Variants in FOCAD observed in about 807,000 individuals in gnomAD.
FOCAD encodes the protein KIAA1797.
In FOCAD, 198 loss-of-function variants were observed where a neutral mutation model predicts 225.6. The ratio of observed to expected loss-of-function variants is 0.88; its 90% CI spans 0.78 to 0.99. FOCAD has a LOEUF of 0.99. Among genes scored for constraint, FOCAD ranks in the 50% least tolerant of loss-of-function variants. FOCAD has a pLI of 0.00. For missense variants in FOCAD, 2,713 were observed against 2,123.6 expected, an observed-to-expected ratio of 1.28 and a Z score of -5.46; for synonymous variants, 897 against 755.0, an observed-to-expected ratio of 1.19 and a Z score of -3.08.
At chr9:20,731,574 T>C (rs1269003452) in intron 4 of FOCAD, among the ~76,000 whole-genome samples, 2 of 152,230 alleles carry the variant, frequency 1.3e-5, no homozygotes, top group Admixed American at 1.3e-4. Context: ...AGCAAGATAG[T>C]ACCTGAGCTG....
At chr9:20,748,058 G>C (rs1335464495) in intron 5 of FOCAD, among the ~76,000 whole-genome samples, 2 of 151,516 alleles carry the variant, frequency 1.3e-5, no homozygotes, top group Non-Finnish European at 2.9e-5. Context: ...GCTTTTGGGG[G>C]GTTGATTATT....
At chr9:20,693,833 C>T (rs1055138844) in intron 1 of FOCAD, among the ~76,000 whole-genome samples, 2 of 152,212 alleles carry the variant, frequency 1.3e-5, no homozygotes, top group Non-Finnish European at 2.9e-5. Context: ...GCCTCAGCCT[C>T]CCAAGTAGAT....
intron 15 of FOCAD, among the ~76,000 whole-genome samples, chr9:20,837,665 A>G (rs998800972): frequency 1.3e-5 from 2 of 152,226 alleles, no homozygotes; most frequent in African/African-American, 4.8e-5. Context: ...TTGAAATCTG[A>G]TTGGAAGCAT....
chr9:20,931,295 G>T (rs1835444729), intron 27 of FOCAD, among the ~76,000 whole-genome samples: 1 of 152,150 alleles, frequency 6.6e-6, no homozygotes, highest in South Asian at 2.1e-4. Flanking sequence ...AGCACCCACA[G>T]AATAACTACA....
intron 39 of FOCAD, among the ~76,000 whole-genome samples, chr9:20,985,755 A>C (rs1166549510): frequency 1.3e-5 from 2 of 152,210 alleles, no homozygotes; most frequent in East Asian, 3.8e-4. Context: ...TGGAACTAAT[A>C]ATTTTTATTG....
At chr9:20,778,392 G>GT (rs937149430) in intron 8 of FOCAD, among the ~76,000 whole-genome samples, 11 of 151,928 alleles carry the variant, frequency 7.2e-5, no homozygotes, top group South Asian at 4.2e-4. Context: ...TAATTTTTTT[G>GT]TATTTTTTTG....
At chr9:20,681,068 A>C (rs775996919), upstream of FOCAD, among the ~76,000 whole-genome samples, 1 of 152,224 alleles carries the variant, frequency 6.6e-6, no homozygotes. Flanking sequence ...GCAATTAGTC[A>C]TATGACATTG....
rs374440235 is a variant in FOCAD, at chr9:20,949,049, C to G, written c.3876+121C>G. The G allele has an allele frequency of 1.4e-5, 12 of 834,984 alleles. No homozygotes were observed. The African/African-American group carries it at 1.9e-4, about 13-fold the overall frequency. 51.7% of individuals were successfully genotyped at this position (834,984 alleles called of 1,614,324 possible). The stretch of plus-strand genomic sequence containing the variant: ...GGATTTATGCTCATGGTAATAGTTA[C>G]ACCAGACTTTTTAATGCCTTGCTGT... On this transcript the variant is annotated intron_variant, in intron 32 of 43. Transcript: ENST00000338382.
intron 11 of FOCAD, among the ~76,000 whole-genome samples, chr9:20,791,219 G>GCACACA (rs563531943): frequency 9.4e-6 from 1 of 106,838 alleles, no homozygotes; most frequent in South Asian, 3.7e-4. Flanking sequence ...ATATATGCAT[G>GCACACA]CACACACACA....
chr9:20,673,377 C>G (rs1822133555), intron 2 of FOCAD, among the ~76,000 whole-genome samples: 1 of 152,118 alleles, frequency 6.6e-6, no homozygotes, highest in South Asian at 2.1e-4. Context: ...ACCATTTTTA[C>G]ATTTCCATCG....
At chr9:20,858,035 A>G (rs902900023) in intron 15 of FOCAD, among the ~76,000 whole-genome samples, 3 of 123,616 alleles carry the variant, frequency 2.4e-5, no homozygotes, top group African/African-American at 9.1e-5. Flanking sequence ...TGTCAGAGAT[A>G]TTGGCCTGTA....
At chr9:20,877,837 G>T (rs1286264657) in intron 19 of FOCAD, among the ~76,000 whole-genome samples, 2 of 151,988 alleles carry the variant, frequency 1.3e-5, no homozygotes, top group Non-Finnish European at 2.9e-5. Flanking sequence ...TTGAACCTGG[G>T]GCAGAGGTTG....
At position 20,953,050 on chromosome 9, in the gene FOCAD, A is replaced by G. The variant is rs3206852; in HGVS notation, c.4117A>G (p.Thr1373Ala). The G allele has an allele frequency of 0.39, 632,204 of 1,610,392 alleles. 126,429 individuals are homozygous for G. Among genetic ancestry groups the G allele is most frequent in the Non-Finnish European group, 0.41 (482,668 of 1,177,506 alleles). The change falls in exon 35 of 44, where the codon ACA becomes GCA. Residue 1373 changes from threonine (T) to alanine (A), a missense_variant. By Grantham distance (58) the Thr-to-Ala change is moderately conservative. Coordinates refer to ENST00000338382, the MANE Select transcript of FOCAD (RefSeq NM_001375567.1). Reference sequence around the variant, plus strand: ...TGGAGCAGCTATTGGCTTCTTCATTACAGGAGGAAAAAAAGGCAAGTGAGC... The same window carrying G: ...TGGAGCAGCTATTGGCTTCTTCATTGCAGGAGGAAAAAAAGGCAAGTGAGC... ...FIGAAIGFFI[T>A]GGKKGPESVP... is the part of the protein sequence containing the mutation.
At chr9:20,761,976 G>A (rs1002878125) in intron 6 of FOCAD, among the ~76,000 whole-genome samples, 3 of 152,136 alleles carry the variant, frequency 2.0e-5, no homozygotes, top group Non-Finnish European at 4.4e-5. Flanking sequence ...AATCAGAACA[G>A]ATTAAGCCAA....
intron 16 of FOCAD, chr9:20,863,609 A>T (rs1031932625): frequency 2.3e-4 from 35 of 152,090 alleles, no homozygotes; most frequent in Admixed American, 9.8e-4. Flanking sequence ...TTATTCTTAC[A>T]TGTAGCCTTT....
intron 19 of FOCAD, among the ~76,000 whole-genome samples, chr9:20,877,785 C>T (rs1032720151): frequency 2.3e-4 from 35 of 152,244 alleles, no homozygotes; most frequent in African/African-American, 7.5e-4. Flanking sequence ...TGGCAGACAC[C>T]TGTAATTCCA....
At chr9:20,745,969 T>C (rs980156278) in intron 5 of FOCAD, among the ~76,000 whole-genome samples, 2 of 152,198 alleles carry the variant, frequency 1.3e-5, no homozygotes, top group Admixed American at 1.3e-4. Context: ...AGAGTTAAGT[T>C]TAAGGACTTA....
intron 7 of FOCAD, 55 bp downstream of exon 7, chr9:20,765,128 T>C (rs1829949124): frequency 1.3e-5 from 19 of 1,483,376 alleles, no homozygotes; most frequent in Non-Finnish European, 1.7e-5. Flanking sequence ...AGTGTTGTTA[T>C]TGTCATAGAC....
chr9:20,917,920 G>A (rs1486908147), intron 24 of FOCAD, among the ~76,000 whole-genome samples: 1 of 152,200 alleles, frequency 6.6e-6, no homozygotes, highest in South Asian at 2.1e-4. Context: ...TCTGGATAAA[G>A]AGAAATAGAA....
Sources: gnomAD v4.1 joint callset for allele counts (sites outside exome capture counted in the v4.1 genomes callset) on GRCh38, gnomAD v4.1.1 for gene constraint, MANE v1.5 for transcripts, NCBI Gene and HGNC (gene_info 2026-07-23, HGNC 2026-07-21) for gene names.